Variants in HTR3A observed in about 807,000 individuals in gnomAD.
HTR3A encodes the protein 5-hydroxytryptamine receptor 3A, also known as 5-hydroxytryptamine (serotonin) receptor 3A, ionotropic.
Under a neutral mutation model 54.8 loss-of-function variants are expected in HTR3A, and 45 were observed. The ratio of observed to expected loss-of-function variants is 0.82; its 90% CI spans 0.65 to 1.05. The LOEUF is 1.05. HTR3A is among the 50% of genes least tolerant of loss of function. The pLI is 0.00. For missense variants in HTR3A, 657 were observed against 614.0 expected (o/e 1.07, Z -0.74); for synonymous variants, 297 against 256.0 (o/e 1.16, Z -1.53).
At chr11:113,979,185 C>T (rs1241223662) in intron 2 of HTR3A, 48 bp from the exon 3 acceptor site, 2 of 1,471,226 alleles carry the variant, frequency 1.4e-6, no homozygotes, top group Non-Finnish European at 1.9e-6. Flanking sequence ...TGCAGGGTGG[C>T]CCTCCAGTCC....
intron 5 of HTR3A, among the ~76,000 whole-genome samples, chr11:113,984,720 C>G (rs1472188091): frequency 6.6e-6 from 1 of 152,134 alleles, no homozygotes; most frequent in East Asian, 1.9e-4. Flanking sequence ...AGATTGAGAC[C>G]ATCCTGGCCA....
At chr11:113,975,631 C>G (rs181276443) in intron 1 of HTR3A, among the ~76,000 whole-genome samples, 2 of 152,180 alleles carry the variant, frequency 1.3e-5, no homozygotes, top group Admixed American at 1.3e-4. Flanking sequence ...AAGAAGGGAG[C>G]AGAGAAGTAG....
At chr11:113,980,484 G>A (rs1269104053) in intron 3 of HTR3A, among the ~76,000 whole-genome samples, 2 of 152,244 alleles carry the variant, frequency 1.3e-5, no homozygotes, top group Non-Finnish European at 2.9e-5. Flanking sequence ...CTGGAGAAGG[G>A]AACAGACAGA....
chr11:113,983,736 C>A (rs1950453387), intron 5 of HTR3A, among the ~76,000 whole-genome samples: 1 of 152,300 alleles, frequency 6.6e-6, no homozygotes, highest in Middle Eastern at 3.4e-3. Flanking sequence ...TCTCTCAGAT[C>A]CATTTATTTC....
rs747533474 is a variant in HTR3A, at chr11:113,986,707, G to C, written c.895G>C (p.Ala299Pro). The C allele has an allele frequency of 6.8e-6, 11 of 1,614,036 alleles. No homozygotes were observed. The highest frequency in any genetic ancestry group is 9.3e-6 in the Non-Finnish European group (11 of 1,180,050). The change falls in exon 7 of 9, where the codon GCC becomes CCC. Residue 299 changes from alanine to proline, a missense_variant. Physicochemically the swap from Ala to Pro is conservative, Grantham distance 27. Coordinates refer to ENST00000504030, the MANE Select transcript of HTR3A (RefSeq NM_000869.6). The stretch of plus-strand genomic sequence containing the variant: ...CGTTTCTGACACGCTGCCGGCCACT[G>C]CCATCGGCACTCCTCTCATTGGTAA... ...IIVSDTLPAT[A>P]IGTPLIGVYF...
Position 113,989,322 on chromosome 11 carries a change from C to T in HTR3A, c.1139-143C>T. 1.1e-6 allele frequency: 1 copy of T among 880,736 alleles called. No homozygotes were observed. Among genetic ancestry groups the T allele is most frequent in the Non-Finnish European group, 1.8e-6 (1 of 541,730 alleles). 54.6% of individuals were successfully genotyped at this position (880,736 alleles called of 1,614,324 possible). A position where few individuals can be genotyped will look rare whatever the true frequency, so the allele number is the denominator to read the frequency against. ...AGGTTGCAGTGAGCTTAGATCACAC[C>T]ACTGCCCTCCAGCCTGGGTGACAGA... On this transcript the variant is annotated intron_variant, in intron 8 of 8. Coordinates refer to ENST00000504030, the MANE Select transcript of HTR3A (RefSeq NM_000869.6). This position sits in a 1 kb window ranked among gnomAD's most constrained non-coding sequence, Gnocchi z 4.4.
In HTR3A at chr11:113,979,870, A is replaced by G. The variant is rs1950400527; in HGVS notation, c.264+593A>G. On this transcript the variant is annotated intron_variant, in intron 3 of 8. Coordinates refer to ENST00000504030, the MANE Select transcript of HTR3A (RefSeq NM_000869.6). ...CCTGGGGTTGTTGGGAAGTCAGAGC[A>G]GAGGAGAAACTAAAGTGGCTGAACA... Among the ~76,000 whole-genome samples, 3 of 152,264 alleles carry G rather than the reference A, an allele frequency of 2.0e-5. No individual in the cohort carries two copies. The South Asian group carries it at 6.2e-4, about 32-fold the overall frequency.
At chr11:113,980,785 G>A (rs1950412464) in intron 3 of HTR3A, among the ~76,000 whole-genome samples, 2 of 152,216 alleles carry the variant, frequency 1.3e-5, no homozygotes, top group Non-Finnish European at 1.5e-5. Context: ...ATTTTAGACT[G>A]GCCATCCTGG....
intron 5 of HTR3A, among the ~76,000 whole-genome samples, chr11:113,984,744 C>T (rs932893586): frequency 6.6e-6 from 1 of 152,128 alleles, no homozygotes; most frequent in Non-Finnish European, 1.5e-5. Context: ...TGGTGAAACC[C>T]CGTCTCTATT....
chr11:113,980,974 G>T, intron 3 of HTR3A: 1 of 543,552 alleles, frequency 1.8e-6, no homozygotes, highest in Admixed American at 3.1e-5. Flanking sequence ...TTCCTTCCTG[G>T]GGCAAGGCTA....
At chr11:113,981,116 C>A in intron 3 of HTR3A, 87 bp from the exon 4 acceptor site, 1 of 816,636 alleles carries the variant, frequency 1.2e-6, no homozygotes. Context: ...GTTGCCTGGG[C>A]ACTGAGGGTG....
At position 113,982,524 on chromosome 11, in the gene HTR3A, G is replaced by A. The variant is rs12146428; in HGVS notation, c.375-596G>A. On this transcript the variant is annotated intron_variant, in intron 4 of 8. Coordinates refer to ENST00000504030, the MANE Select transcript of HTR3A (RefSeq NM_000869.6). ...AGGGCTCAGCCTACTCCATGCCACAGTGGTCACTCAAGAGGGCCTACCACT... is the reference window on the plus strand; with the variant it reads ...AGGGCTCAGCCTACTCCATGCCACAATGGTCACTCAAGAGGGCCTACCACT... 3.1e-3 allele frequency among the ~76,000 whole-genome samples: 479 copies of A among 152,344 alleles called. 1 individual carries two copies. The highest frequency in any genetic ancestry group is 6.3e-3 in the Admixed American group (96 of 15,306).
chr11:113,975,920 GC>G (rs2137565864), intron 1 of HTR3A, among the ~76,000 whole-genome samples: 1 of 152,266 alleles, frequency 6.6e-6, no homozygotes, highest in South Asian at 2.1e-4. Flanking sequence ...CTCTGGGCCT[GC>G]GGTTCCCCAA....
At chr11:113,988,773 AAAC>A (rs1950520295) in intron 8 of HTR3A, among the ~76,000 whole-genome samples, 1 of 151,310 alleles carries the variant, frequency 6.6e-6, no homozygotes, top group African/African-American at 2.4e-5. Context: ...CCAAACAAAC[AAAC>A]AACAAACAAA....
rs2137569269 is a variant in HTR3A at position 113,977,841 on chromosome 11, G to A, written c.138G>A (p.Arg46=). 1 of 1,614,150 alleles carries A rather than the reference G, an allele frequency of 6.2e-7. No homozygotes were observed. Among genetic ancestry groups the A allele is most frequent in the East Asian group, 2.2e-5 (1 of 44,880 alleles). Residue 46 remains arginine, a synonymous_variant, in exon 2 of 9, where the codon AGG becomes AGA. Transcript: ENST00000504030. ...RLSDYLLTNY[R]KGVRPVRDWR... ...CGGATTACCTTTTGACCAACTACAG[G>A]AAGGGTGTGCGCCCCGTGAGGGACT...
At position 113,975,396 on chromosome 11, in the gene HTR3A, A is replaced by T; in HGVS notation, c.67+4A>T. On this transcript the variant is annotated splice_donor_region_variant and intron_variant, in intron 1 of 8. Transcript: ENST00000504030. Reference sequence around the variant, plus strand: ...ACACTCCTGGCACAGGGAGAAGGTAAGCAGACTTCGGGAAGCAGCAGGACT... The same window carrying T: ...ACACTCCTGGCACAGGGAGAAGGTATGCAGACTTCGGGAAGCAGCAGGACT... The T allele has an allele frequency of 6.2e-7, 1 of 1,611,082 alleles. No homozygotes were observed. The highest frequency in any genetic ancestry group is 8.5e-7 in the Non-Finnish European group (1 of 1,179,648).
intron 8 of HTR3A, among the ~76,000 whole-genome samples, chr11:113,987,415 C>G (rs1012873768): frequency 6.6e-6 from 1 of 152,160 alleles, no homozygotes. Flanking sequence ...AATACTGCCA[C>G]TGGGGTTTCT....
rs1232376970 is a variant in HTR3A at position 113,990,083 on chromosome 11, T to C, written c.*320T>C. 5 of 539,808 alleles carry C rather than the reference T, an allele frequency of 9.3e-6. No individual in the cohort carries two copies. The highest frequency in any genetic ancestry group is 1.8e-5 in the Non-Finnish European group (5 of 283,522). 33.4% of individuals were successfully genotyped at this position (539,808 alleles called of 1,614,324 possible). A position where few individuals can be genotyped will look rare whatever the true frequency, so the allele number is the denominator to read the frequency against. Reference sequence around the variant, plus strand: ...CACTCTAGTTGTGGACTTTTCCCCATTGACCCTCACCTGAATAAGGGACTT... The same window carrying C: ...CACTCTAGTTGTGGACTTTTCCCCACTGACCCTCACCTGAATAAGGGACTT... On this transcript the variant is annotated 3_prime_UTR_variant, in exon 9 of 9. Transcript: ENST00000504030.
intron 4 of HTR3A, among the ~76,000 whole-genome samples, chr11:113,981,894 G>A (rs1241109894): frequency 6.7e-6 from 1 of 150,322 alleles, no homozygotes; most frequent in Non-Finnish European, 1.5e-5. Flanking sequence ...GGAGATGGAG[G>A]TTGTGGTGAG....
Sources: gnomAD v4.1 joint callset for allele counts (sites outside exome capture counted in the v4.1 genomes callset) on GRCh38, gnomAD v4.1.1 for gene constraint, Gnocchi (gnomAD v3.1) non-coding constraint, MANE v1.5 for transcripts, NCBI Gene and HGNC (gene_info 2026-07-23, HGNC 2026-07-21) for gene names.